The following AGBL4 variants were observed in gnomAD, a reference collection of about 807,000 sequenced individuals.
The protein encoded by AGBL4 is AGBL carboxypeptidase 4.
In AGBL4, 58 loss-of-function variants were observed where a neutral mutation model predicts 66.4. The observed-to-expected ratio is 0.87, with a 90% CI of 0.71 to 1.09. The LOEUF (loss-of-function observed/expected upper bound fraction) is 1.09, where lower values mean the gene tolerates loss of function less well. Ranked by LOEUF, AGBL4 falls within the 50% of genes least tolerant of loss-of-function variation. The pLI, the probability that AGBL4 is intolerant of heterozygous loss-of-function variation, is 0.00. For missense variants in AGBL4, 579 were observed against 631.0 expected, an observed-to-expected ratio of 0.92 and a Z score of 0.88; for synonymous variants, 234 against 222.9, an observed-to-expected ratio of 1.05 and a Z score of -0.44.
intron 3 of AGBL4, chr1:49,269,135 A>C (rs1449685474): frequency 6.6e-6 from 1 of 152,192 alleles, no homozygotes; most frequent in Non-Finnish European, 1.5e-5. Flanking sequence ...CAATGATTCC[A>C]ACTGAATCCA....
intron 6 of AGBL4, among the ~76,000 whole-genome samples, chr1:48,856,313 C>A (rs984731356): frequency 1.3e-5 from 2 of 152,024 alleles, no homozygotes; most frequent in Non-Finnish European, 2.9e-5. Flanking sequence ...ACTGTGATTG[C>A]AATTATGTAA....
chr1:49,661,343 T>C (rs147622361), intron 3 of AGBL4, among the ~76,000 whole-genome samples: 1 of 152,210 alleles, frequency 6.6e-6, no homozygotes, highest in African/African-American at 2.4e-5. Context: ...CTTCCAATGT[T>C]GGAATTGGGC....
At chr1:49,826,044 CTATTA>C (rs1394534432) in intron 2 of AGBL4, among the ~76,000 whole-genome samples, 2 of 151,988 alleles carry the variant, frequency 1.3e-5, no homozygotes, top group African/African-American at 2.4e-5. Context: ...ACTTTAAACA[CTATTA>C]TATTAAAAAT....
At chr1:49,126,512 A>T (rs1043131478) in intron 4 of AGBL4, among the ~76,000 whole-genome samples, 1 of 152,196 alleles carries the variant, frequency 6.6e-6, no homozygotes, top group African/African-American at 2.4e-5. Context: ...CAGTTTATTC[A>T]TATAAACTTA....
chr1:48,546,462 G>T (rs939024916), intron 11 of AGBL4, among the ~76,000 whole-genome samples: 1 of 152,170 alleles, frequency 6.6e-6, no homozygotes, highest in African/African-American at 2.4e-5. Flanking sequence ...CTTAAAGCGG[G>T]TGGAAGAGAA....
intron 3 of AGBL4, among the ~76,000 whole-genome samples, chr1:49,662,348 G>C (rs1646286352): frequency 6.6e-6 from 1 of 151,918 alleles, no homozygotes; most frequent in Non-Finnish European, 1.5e-5. Context: ...CCATATAATA[G>C]TCTTCCACTC....
At chr1:49,581,609 ATT>A (rs1409485887) in intron 3 of AGBL4, among the ~76,000 whole-genome samples, 1 of 152,174 alleles carries the variant, frequency 6.6e-6, no homozygotes, top group East Asian at 1.9e-4. Flanking sequence ...TATAAATAGC[ATT>A]AGTGGCGTCT....
chr1:49,127,902 A>G (rs1342040403), intron 4 of AGBL4, among the ~76,000 whole-genome samples: 1 of 152,084 alleles, frequency 6.6e-6, no homozygotes, highest in Non-Finnish European at 1.5e-5. Context: ...ACAAACACAC[A>G]ACAATGTAAA....
intron 3 of AGBL4, among the ~76,000 whole-genome samples, chr1:49,557,309 A>G (rs1643928413): frequency 6.6e-6 from 1 of 152,188 alleles, no homozygotes; most frequent in East Asian, 1.9e-4. Flanking sequence ...AGACACATTC[A>G]TAAGAACCAA....
At chr1:49,627,635 T>C (rs1199555276) in intron 3 of AGBL4, among the ~76,000 whole-genome samples, 1 of 152,176 alleles carries the variant, frequency 6.6e-6, no homozygotes, top group Non-Finnish European at 1.5e-5. Flanking sequence ...TTCTTTTCTC[T>C]CATTTTTTTG....
At chr1:49,880,746 C>T (rs1450429335) in intron 1 of AGBL4, among the ~76,000 whole-genome samples, 1 of 152,080 alleles carries the variant, frequency 6.6e-6, no homozygotes, top group Non-Finnish European at 1.5e-5. Flanking sequence ...ATGGCGGGCG[C>T]CCCTCCCCCA....
At chr1:49,206,987 C>G (rs185654684) in intron 4 of AGBL4, among the ~76,000 whole-genome samples, 1 of 151,726 alleles carries the variant, frequency 6.6e-6, no homozygotes, top group Non-Finnish European at 1.5e-5. Flanking sequence ...TTGTTTTTTC[C>G]GCTTGATTCC....
chr1:48,868,409 A>ATT (rs1438747087), intron 5 of AGBL4, among the ~76,000 whole-genome samples: 1 of 152,152 alleles, frequency 6.6e-6, no homozygotes, highest in Non-Finnish European at 1.5e-5. Context: ...TGATGTATCA[A>ATT]TTTTTTTCAT....
chr1:49,223,708 T>C (rs1649676564), intron 4 of AGBL4, among the ~76,000 whole-genome samples: 1 of 152,204 alleles, frequency 6.6e-6, no homozygotes, highest in Non-Finnish European at 1.5e-5. Context: ...AGTCCTGGAT[T>C]CTTTCTGTTC....
chr1:48,885,035 C>T (rs994165700), intron 5 of AGBL4, among the ~76,000 whole-genome samples: 1 of 151,524 alleles, frequency 6.6e-6, no homozygotes, highest in Non-Finnish European at 1.5e-5. Flanking sequence ...GAGAATAAGA[C>T]CCAGCTTTCT....
At chr1:49,643,600 T>A (rs1018630929) in intron 3 of AGBL4, among the ~76,000 whole-genome samples, 1 of 151,714 alleles carries the variant, frequency 6.6e-6, no homozygotes, top group Non-Finnish European at 1.5e-5. Context: ...AGAGGCATTA[T>A]GCACATGGTA....
intron 3 of AGBL4, among the ~76,000 whole-genome samples, chr1:49,425,397 T>TTA (rs1359067986): frequency 6.6e-6 from 1 of 152,150 alleles, no homozygotes; most frequent in Non-Finnish European, 1.5e-5. Context: ...GGAAAAATTA[T>TTA]TATATAAGTG....
chr1:49,934,523 T>C (rs901033392), intron 1 of AGBL4, among the ~76,000 whole-genome samples: 2 of 152,096 alleles, frequency 1.3e-5, no homozygotes, highest in Non-Finnish European at 2.9e-5. Flanking sequence ...AGATTCACGA[T>C]TACAGAAAAA....
chr1:49,007,669 A>C (rs1661977196), intron 5 of AGBL4, among the ~76,000 whole-genome samples: 1 of 151,974 alleles, frequency 6.6e-6, no homozygotes, highest in South Asian at 2.1e-4. Context: ...TCAGACTAAC[A>C]GTGGATCTCT....
Sources: gnomAD v4.1 joint callset for allele counts (sites outside exome capture counted in the v4.1 genomes callset) on GRCh38, gnomAD v4.1.1 for gene constraint, MANE v1.5 for transcripts, NCBI Gene and HGNC (gene_info 2026-07-23, HGNC 2026-07-21) for gene names.